Variants in ACTR3C observed in about 807,000 individuals in gnomAD.
ACTR3C encodes actin related protein 3C, also known as actin-related protein 3C.
ACTR3C carries 18 observed loss-of-function variants against 26.3 expected under a neutral mutation model. That is an observed-to-expected ratio of 0.68 (90% CI 0.47 to 1.01). The LOEUF is 1.01. Among genes scored for constraint, ACTR3C ranks in the 50% least tolerant of loss-of-function variants. The pLI, the probability that ACTR3C is intolerant of heterozygous loss-of-function variation, is 0.00. For missense variants in ACTR3C, 184 were observed against 250.7 expected, an observed-to-expected ratio of 0.73 and a Z score of 1.80; for synonymous variants, 55 against 94.5, an observed-to-expected ratio of 0.58 and a Z score of 2.42.
chr7:150,282,923 T>C (rs1180960466), intron 6 of ACTR3C, among the ~76,000 whole-genome samples: 12 of 149,194 alleles, frequency 8.0e-5, no homozygotes, highest in Admixed American at 7.9e-4. Flanking sequence ...GGGAAAAGCA[T>C]GAGTTTTCAA....
At chr7:149,908,592 C>T in the ACTR3C span, among the ~76,000 whole-genome samples, 8 of 152,160 alleles carry the variant, frequency 5.3e-5, no homozygotes, top group South Asian at 2.1e-4. Flanking sequence ...TCGACATTCC[C>T]CACTGTTCAC....
chr7:150,319,245 C>A (rs1182480992), intron 1 of ACTR3C, among the ~76,000 whole-genome samples: 1 of 150,242 alleles, frequency 6.7e-6, no homozygotes, highest in Non-Finnish European at 1.5e-5. Context: ...ACTCTGTTAC[C>A]TAGGCAGGAT....
At chr7:150,298,183 G>T (rs1194987666) in intron 1 of ACTR3C, among the ~76,000 whole-genome samples, 3 of 150,630 alleles carry the variant, frequency 2.0e-5, no homozygotes, top group African/African-American at 7.4e-5. Context: ...CAGCAGGAAG[G>T]AGCTAGTTAC....
chr7:149,963,438 T>TAACTAA, the ACTR3C span, among the ~76,000 whole-genome samples: 54 of 152,360 alleles, frequency 3.5e-4, no homozygotes, highest in African/African-American at 1.2e-3. Flanking sequence ...GCCTCATGCC[T>TAACTAA]AACTAATGTC....
At chr7:150,307,353 A>C (rs1795875521) in intron 1 of ACTR3C, among the ~76,000 whole-genome samples, 1 of 152,234 alleles carries the variant, frequency 6.6e-6, no homozygotes, top group Non-Finnish European at 1.5e-5. Flanking sequence ...CCACAAAAGA[A>C]GTAAAACAGC....
At chr7:150,091,590 G>C in the ACTR3C span, among the ~76,000 whole-genome samples, 47 of 101,688 alleles carry the variant, frequency 4.6e-4, no homozygotes, top group African/African-American at 1.5e-3. Flanking sequence ...AGCAAAACTT[G>C]CTTGGAAACA....
the ACTR3C span, among the ~76,000 whole-genome samples, chr7:150,039,632 T>A: frequency 1.4e-5 from 2 of 140,246 alleles, no homozygotes; most frequent in East Asian, 4.7e-4. Context: ...CTTGGACAAC[T>A]AACACCCACA....
the ACTR3C span, among the ~76,000 whole-genome samples, chr7:149,992,642 C>T: frequency 6.6e-6 from 1 of 152,152 alleles, no homozygotes; most frequent in Admixed American, 6.5e-5. Flanking sequence ...GGCAAGGCCA[C>T]ATGGGTTCCG....
At chr7:149,982,808 C>T in the ACTR3C span, among the ~76,000 whole-genome samples, 1 of 152,168 alleles carries the variant, frequency 6.6e-6, no homozygotes, top group Middle Eastern at 3.2e-3. Context: ...GGGTTGTCTA[C>T]ACATAAGATC....
At chr7:149,970,476 C>T in the ACTR3C span, among the ~76,000 whole-genome samples, 1 of 152,166 alleles carries the variant, frequency 6.6e-6, no homozygotes, top group Non-Finnish European at 1.5e-5. Context: ...AATGACAAGC[C>T]CTCATAAGAT....
At chr7:149,967,196 G>A in the ACTR3C span, among the ~76,000 whole-genome samples, 12 of 151,798 alleles carry the variant, frequency 7.9e-5, no homozygotes, top group African/African-American at 1.4e-4. Flanking sequence ...CACCACGCCC[G>A]GCTAATTTTT....
chr7:150,071,187 G>A, the ACTR3C span, among the ~76,000 whole-genome samples: 15 of 151,262 alleles, frequency 9.9e-5, no homozygotes, highest in Admixed American at 3.3e-4. Flanking sequence ...ACAGTGGTGC[G>A]ATCTCAGCTC....
chr7:149,967,028 A>T, the ACTR3C span, among the ~76,000 whole-genome samples: 23 of 64,716 alleles, frequency 3.6e-4, no homozygotes, highest in Admixed American at 1.6e-3. Flanking sequence ...TGCACAGCTA[A>T]TTTTTTTTTT....
chr7:150,304,435 C>T (rs1318837325), intron 1 of ACTR3C, among the ~76,000 whole-genome samples: 1 of 152,088 alleles, frequency 6.6e-6, no homozygotes, highest in Non-Finnish European at 1.5e-5. Flanking sequence ...AAGGATGGTA[C>T]GTTTTATTTT....
the ACTR3C span, among the ~76,000 whole-genome samples, chr7:149,886,367 C>G: frequency 6.6e-6 from 1 of 152,204 alleles, no homozygotes; most frequent in Admixed American, 6.5e-5. Flanking sequence ...AATGTAGCAT[C>G]TTCTCAGTAA....
chr7:150,300,101 C>T (rs939151186), intron 1 of ACTR3C, among the ~76,000 whole-genome samples: 2 of 152,026 alleles, frequency 1.3e-5, no homozygotes, highest in African/African-American at 4.8e-5. Context: ...ACCTATAATG[C>T]CAACACTTTA....
the ACTR3C span, among the ~76,000 whole-genome samples, chr7:150,199,615 TTAAA>T: frequency 1.0e-5 from 1 of 97,868 alleles, no homozygotes; most frequent in African/African-American, 4.0e-5. Flanking sequence ...AAAAATAAAT[TTAAA>T]AAAAAAAAAT....
At chr7:150,045,810 C>T in the ACTR3C span, among the ~76,000 whole-genome samples, 4 of 152,326 alleles carry the variant, frequency 2.6e-5, no homozygotes, top group East Asian at 3.9e-4. Context: ...TTTCTCCTAG[C>T]GACACCTAGA....
chr7:149,958,816 G>C, the ACTR3C span, among the ~76,000 whole-genome samples: 2 of 152,246 alleles, frequency 1.3e-5, no homozygotes, highest in Non-Finnish European at 2.9e-5. Flanking sequence ...AGAGGAAGCA[G>C]ACTGGGAGCA....
Sources: allele counts gnomAD v4.1 joint callset (sites outside exome capture counted in the v4.1 genomes callset), GRCh38; gene constraint gnomAD v4.1.1; transcripts MANE v1.5; gene names NCBI Gene and HGNC (gene_info 2026-07-23, HGNC 2026-07-21).